CHRNB3: variants seen among roughly 807,000 people sequenced by gnomAD.
CHRNB3 encodes neuronal acetylcholine receptor subunit beta-3.
A neutral mutation model predicts 40.6 loss-of-function variants in CHRNB3; 37 were observed. The observed-to-expected ratio is 0.91, with a 90% CI of 0.70 to 1.20. The LOEUF is 1.20. CHRNB3 is among the 50% of genes most tolerant of loss of function. CHRNB3 has a pLI of 0.00. For synonymous variants in CHRNB3, 207 were observed against 207.1 expected (o/e 1.00, Z 0.00); for missense variants, 505 against 551.2 (o/e 0.92, Z 0.84).
At chr8:42,700,019 CTT>C (rs573615558) in intron 1 of CHRNB3, among the ~76,000 whole-genome samples, 6 of 140,912 alleles carry the variant, frequency 4.3e-5, no homozygotes, top group Admixed American at 7.2e-5. Flanking sequence ...AATTTCTTTT[CTT>C]TTTTTTTTTT....
At chr8:42,700,019 C>CTTTTTTTTTTTTTT (rs573615558) in intron 1 of CHRNB3, among the ~76,000 whole-genome samples, 10 of 140,902 alleles carry the variant, frequency 7.1e-5, no homozygotes, top group African/African-American at 2.6e-4. Flanking sequence ...AATTTCTTTT[C>CTTTTTTTTTTTTTT]TTTTTTTTTT....
intron 3 of CHRNB3, among the ~76,000 whole-genome samples, chr8:42,726,560 C>A (rs1358125337): frequency 6.6e-6 from 1 of 150,714 alleles, no homozygotes; most frequent in Non-Finnish European, 1.5e-5. Flanking sequence ...AGTGCAGTGG[C>A]GCGATCTCAG....
chr8:42,730,651 A>C lies in CHRNB3; in HGVS notation c.307A>C (p.Ile103Leu). Residue 103 changes from isoleucine to leucine, a missense_variant, in exon 4 of 6, where the codon ATT (isoleucine) becomes CTT (leucine). Coordinates refer to ENST00000289957, the MANE Select transcript of CHRNB3 (RefSeq NM_000749.5). ...TGATGATTATGGTGGGATCCATTCC[A>C]TTAAAGTTCCATCAGAATCTCTGTG... ...NPDDYGGIHS[I>L]KVPSESLWLP... 6.2e-7 allele frequency: 1 copy of C among 1,611,482 alleles called. No homozygotes were observed. Among genetic ancestry groups the C allele is most frequent in the East Asian group, 2.2e-5 (1 of 44,792 alleles).
At chr8:42,708,615 C>T in intron 1 of CHRNB3, 102 bp from the exon 2 acceptor site, 1 of 1,308,564 alleles carries the variant, frequency 7.6e-7, no homozygotes, top group Non-Finnish European at 1.1e-6. Context: ...GAAACAGACA[C>T]AGCCTATGGT....
At position 42,708,826 on chromosome 8, in the gene CHRNB3, A is replaced by G; in HGVS notation, c.162A>G (p.Ile54Met). Reference protein sequence around the residue: ...VRPVLHSNDTIKVYFGLKISQ... With the variant: ...VRPVLHSNDTMKVYFGLKISQ... ...CTGTATTACATTCTAATGACACCAT[A>G]AAAGTATATTTTGGATTGAAAATAT... The change falls in exon 2 of 6, where the codon ATA becomes ATG. Residue 54 changes from isoleucine (I) to methionine (M), a missense_variant. Coordinates refer to ENST00000289957, the MANE Select transcript of CHRNB3 (RefSeq NM_000749.5). 1.2e-6 allele frequency: 2 copies of G among 1,613,970 alleles called. No homozygotes were observed. Among genetic ancestry groups the G allele is most frequent in the Non-Finnish European group, 1.7e-6 (2 of 1,179,930 alleles).
intron 3 of CHRNB3, among the ~76,000 whole-genome samples, chr8:42,717,097 G>C (rs1302798758): frequency 1.5e-5 from 2 of 135,112 alleles, no homozygotes; most frequent in Non-Finnish European, 1.6e-5. Flanking sequence ...AGACTGGCCG[G>C]GCGCGGTGGC....
Position 42,732,213 on chromosome 8 carries a change from C to T in CHRNB3, c.906C>T (p.Phe302=), listed in dbSNP as rs760394173. Residue 302 remains phenylalanine (F), a synonymous_variant, in exon 5 of 6, where the codon TTC becomes TTT. Coordinates refer to ENST00000289957, the MANE Select transcript of CHRNB3 (RefSeq NM_000749.5). ...CTCTCATTGGAGAGTACCTGCTGTT[C>T]ATCATGATTTTTGTGACCCTGTCCA... The part of the protein sequence containing the change: ...VIPLIGEYLL[F]IMIFVTLSII... 3.7e-6 allele frequency: 6 copies of T among 1,609,784 alleles called. No individual in the cohort carries two copies. The highest frequency in any genetic ancestry group is 5.1e-6 in the Non-Finnish European group (6 of 1,178,676).
intron 1 of CHRNB3, among the ~76,000 whole-genome samples, chr8:42,707,216 C>T (rs570191118): frequency 2.8e-4 from 43 of 152,338 alleles, no homozygotes; most frequent in African/African-American, 1.0e-3. Flanking sequence ...CCTGGAATTG[C>T]TCCTCTCTTA....
In CHRNB3 at chr8:42,736,791, A is replaced by G. The variant is rs1307820561; in HGVS notation, c.*173A>G. ...GTAAATGTGCTCATTTGTGGTTGCC[A>G]TGAGAGTGAGCTGCTTTTAAAGAAA... On this transcript the variant is annotated 3_prime_UTR_variant, in exon 6 of 6. Transcript: ENST00000289957. The G allele has an allele frequency of 1.2e-6, 1 of 800,186 alleles. No individual in the cohort carries two copies. Among genetic ancestry groups the G allele is most frequent in the Admixed American group, 2.6e-5 (1 of 38,504 alleles). The allele number at this position is 800,186 out of a possible 1,614,324, so 49.6% of individuals were successfully genotyped here.
intron 1 of CHRNB3, chr8:42,705,554 A>C (rs1299625268): frequency 6.6e-6 from 1 of 152,254 alleles, no homozygotes; most frequent in Non-Finnish European, 1.5e-5. Context: ...GAAGGCCCTG[A>C]CCAGATGTCA....
intron 3 of CHRNB3, among the ~76,000 whole-genome samples, chr8:42,712,854 G>GCT (rs1251380991): frequency 7.5e-6 from 1 of 133,278 alleles, no homozygotes; most frequent in East Asian, 2.4e-4. Context: ...TTCCCCCACT[G>GCT]CTCTCTTTTT....
At chr8:42,726,908 T>G (rs1237626605) in intron 3 of CHRNB3, among the ~76,000 whole-genome samples, 2 of 152,106 alleles carry the variant, frequency 1.3e-5, no homozygotes, top group Non-Finnish European at 2.9e-5. Context: ...ATAAATAATA[T>G]TCCTGGGCCA....
intron 3 of CHRNB3, among the ~76,000 whole-genome samples, chr8:42,715,775 T>C (rs945727303): frequency 1.4e-4 from 22 of 152,006 alleles, no homozygotes; most frequent in Non-Finnish European, 2.2e-4. Context: ...ATTGATTTTA[T>C]TTTGCAAACT....
chr8:42,723,467 A>G (rs981929925), intron 3 of CHRNB3, among the ~76,000 whole-genome samples: 3 of 152,174 alleles, frequency 2.0e-5, no homozygotes, highest in African/African-American at 7.2e-5. Context: ...CTTTCTAGAA[A>G]CAAATGAACT....
At chr8:42,712,859 C>CTTTTTT (rs567650103) in intron 3 of CHRNB3, among the ~76,000 whole-genome samples, 8 of 114,746 alleles carry the variant, frequency 7.0e-5, no homozygotes, top group Non-Finnish European at 1.2e-4. Flanking sequence ...CCACTGCTCT[C>CTTTTTT]TTTTTTTTTT....
intron 3 of CHRNB3, among the ~76,000 whole-genome samples, chr8:42,714,299 T>C (rs1429453644): frequency 6.6e-6 from 1 of 151,476 alleles, no homozygotes; most frequent in Non-Finnish European, 1.5e-5. Flanking sequence ...ATTGAGACCA[T>C]CCTGGCTAAC....
intron 3 of CHRNB3, chr8:42,721,824 G>A (rs1816222724): frequency 6.6e-6 from 1 of 152,200 alleles, no homozygotes; most frequent in Admixed American, 6.5e-5. Context: ...GGTCTCAGAA[G>A]CCCTGTGGTG....
chr8:42,700,640 T>C (rs1196244158), intron 1 of CHRNB3, among the ~76,000 whole-genome samples: 2 of 152,200 alleles, frequency 1.3e-5, no homozygotes, highest in Non-Finnish European at 2.9e-5. Context: ...TTTTCTGTCC[T>C]GGCTGAGGAT....
Position 42,731,897 on chromosome 8 carries a change from A to G in CHRNB3, c.590A>G (p.Asp197Gly), listed in dbSNP as rs751231510. The G allele has an allele frequency of 5.0e-6, 8 of 1,614,178 alleles. No individual in the cohort carries two copies. In the South Asian group the frequency reaches 6.6e-5, roughly 13 times the overall value. ...NENVDRKDFF[D>G]NGEWEILNAK... ...AATGTCGACAGAAAAGACTTCTTCGATAACGGAGAATGGGAAATACTGAAC... is the reference window on the plus strand; with the variant it reads ...AATGTCGACAGAAAAGACTTCTTCGGTAACGGAGAATGGGAAATACTGAAC... Residue 197 changes from aspartate to glycine, a missense_variant, in exon 5 of 6, where the codon GAT becomes GGT. Transcript: ENST00000289957.
Sources: gnomAD v4.1 joint callset for allele counts (sites outside exome capture counted in the v4.1 genomes callset) on GRCh38, gnomAD v4.1.1 for gene constraint, MANE v1.5 for transcripts, NCBI Gene and HGNC (gene_info 2026-07-23, HGNC 2026-07-21) for gene names.